Variants in SEMA3D observed in about 807,000 individuals in gnomAD.
SEMA3D encodes semaphorin 3D.
In SEMA3D, 84 loss-of-function variants were observed where a neutral mutation model predicts 100.1. That is an observed-to-expected ratio of 0.84 (90% confidence interval 0.70 to 1.01). The LOEUF (loss-of-function observed/expected upper bound fraction) is 1.01. Among genes scored for constraint, SEMA3D ranks in the 50% least tolerant of loss-of-function variants. The probability of loss-of-function intolerance (pLI) is 0.00; values close to 1 mark genes in which losing one functional copy is unlikely to be tolerated. For missense variants in SEMA3D, 875 were observed against 934.1 expected, an observed-to-expected ratio of 0.94 and a Z score of 0.82; for synonymous variants, 312 against 320.7, an observed-to-expected ratio of 0.97 and a Z score of 0.29.
At chr7:85,237,698 G>T in the SEMA3D span, among the ~76,000 whole-genome samples, 1 of 152,006 alleles carries the variant, frequency 6.6e-6, no homozygotes, top group African/African-American at 2.4e-5. Flanking sequence ...AGGCCTTCTT[G>T]GTTGCATCCA....
intron 1 of SEMA3D, among the ~76,000 whole-genome samples, chr7:85,183,566 C>T (rs1414957926): frequency 6.6e-6 from 1 of 152,180 alleles, no homozygotes; most frequent in Non-Finnish European, 1.5e-5. Flanking sequence ...GTCTTCCCCA[C>T]ACATAAAAGA....
chr7:85,020,327 A>G lies in SEMA3D; in HGVS notation c.1415-6T>C. 6.2e-7 allele frequency: 1 copy of G among 1,601,040 alleles called. No individual in the cohort carries two copies. Among genetic ancestry groups the G allele is most frequent in the Non-Finnish European group, 8.6e-7 (1 of 1,169,588 alleles). ...TTTGAGGACAGTTCCAATGTCTGAA[A>G]AAATGCATAACCCATGATCCCATTG... On this transcript the variant is annotated splice_region_variant and splice_polypyrimidine_tract_variant and intron_variant, in intron 13 of 18. Transcript: ENST00000284136.
intron 1 of SEMA3D, among the ~76,000 whole-genome samples, chr7:85,174,498 T>A (rs1170623235): frequency 1.3e-5 from 2 of 152,158 alleles, no homozygotes; most frequent in Non-Finnish European, 2.9e-5. Flanking sequence ...TCTGAATGGA[T>A]TAATTTCAGT....
chr7:85,147,234 CT>C (rs1053713853), intron 2 of SEMA3D, among the ~76,000 whole-genome samples: 4 of 151,160 alleles, frequency 2.6e-5, no homozygotes, highest in Non-Finnish European at 5.9e-5. Flanking sequence ...TCCTGAGTAG[CT>C]GGCATTACAA....
chr7:85,201,537 TAG>T, the SEMA3D span, among the ~76,000 whole-genome samples: 1 of 152,270 alleles, frequency 6.6e-6, no homozygotes, highest in Admixed American at 6.5e-5. Context: ...ATATGTAAAT[TAG>T]AGATTTTAGT....
chr7:85,025,185 G>T (rs1202946832), intron 12 of SEMA3D, among the ~76,000 whole-genome samples: 2 of 151,908 alleles, frequency 1.3e-5, no homozygotes, highest in African/African-American at 4.8e-5. Context: ...TTCTTAATTT[G>T]CCAGATTAGC....
In SEMA3D at chr7:84,995,930, ATTT is replaced by A. The variant is rs1789486526; in HGVS notation, c.*3507_*3509del. 1 of 151,438 alleles carries A rather than the reference ATTT, an allele frequency of 6.6e-6. No individual in the cohort carries two copies. The highest frequency in any genetic ancestry group is 2.4e-5 in the African/African-American group (1 of 41,302). 9.4% of individuals were successfully genotyped at this position (151,438 alleles called of 1,614,324 possible). A position where few individuals can be genotyped will look rare whatever the true frequency, so the allele number is the denominator to read the frequency against. On this transcript the variant is annotated 3_prime_UTR_variant, in exon 19 of 19. Transcript: ENST00000284136. ...AGATGAATTATTTAAAATTGTGATC[ATTT>A]ACTATGATAAAAATACATCTCCTAT...
chr7:85,197,116 G>T, the SEMA3D span, among the ~76,000 whole-genome samples: 1 of 152,084 alleles, frequency 6.6e-6, no homozygotes, highest in East Asian at 1.9e-4. Context: ...CCAAAAACAT[G>T]TTTCTTTGCC....
At chr7:85,197,006 C>A in the SEMA3D span, among the ~76,000 whole-genome samples, 1 of 145,984 alleles carries the variant, frequency 6.9e-6, no homozygotes, top group South Asian at 2.3e-4. Context: ...AAATTCTCAT[C>A]AGATTTTTTT....
chr7:85,026,926 T>G (rs1253831558), intron 12 of SEMA3D, among the ~76,000 whole-genome samples: 1 of 152,036 alleles, frequency 6.6e-6, no homozygotes, highest in Non-Finnish European at 1.5e-5. Context: ...TTGAGAAGAT[T>G]AAGCAAGGTA....
the SEMA3D span, among the ~76,000 whole-genome samples, chr7:85,241,245 GA>G: frequency 6.6e-6 from 1 of 151,666 alleles, no homozygotes; most frequent in Non-Finnish European, 1.5e-5. Flanking sequence ...AACCACTATG[GA>G]AAACAGTATA....
the SEMA3D span, among the ~76,000 whole-genome samples, chr7:85,210,417 T>C: frequency 6.6e-6 from 1 of 152,066 alleles, no homozygotes; most frequent in Non-Finnish European, 1.5e-5. Context: ...TATTTGACAT[T>C]CCATAGTTAA....
intron 3 of SEMA3D, among the ~76,000 whole-genome samples, chr7:85,098,228 G>T (rs754913583): frequency 1.3e-5 from 2 of 151,608 alleles, no homozygotes; most frequent in South Asian, 2.1e-4. Context: ...TGTAATTACA[G>T]TTTTCAACGT....
intron 2 of SEMA3D, among the ~76,000 whole-genome samples, chr7:85,149,376 C>T (rs889124189): frequency 1.3e-5 from 2 of 152,090 alleles, no homozygotes; most frequent in African/African-American, 2.4e-5. Flanking sequence ...ATTGCTTGAA[C>T]CCAGGAGGTT....
chr7:85,227,751 A>G, the SEMA3D span, among the ~76,000 whole-genome samples: 6 of 152,118 alleles, frequency 3.9e-5, no homozygotes, highest in East Asian at 3.9e-4. Context: ...GATGAATTTC[A>G]TAAGTTAGAA....
intron 2 of SEMA3D, among the ~76,000 whole-genome samples, chr7:85,126,403 TC>T (rs1215107566): frequency 0.24 from 12,466 of 52,516 alleles, 882 homozygotes; most frequent in African/African-American, 0.38. Flanking sequence ...TGTGTGTGTG[TC>T]GTGTGTGTGT....
intron 18 of SEMA3D, among the ~76,000 whole-genome samples, chr7:85,003,592 T>C (rs1388709343): frequency 6.8e-6 from 1 of 146,958 alleles, no homozygotes; most frequent in African/African-American, 2.5e-5. Context: ...ACAAAATAAA[T>C]GTAAAATAAA....
At chr7:85,200,061 T>A in the SEMA3D span, among the ~76,000 whole-genome samples, 3 of 152,226 alleles carry the variant, frequency 2.0e-5, no homozygotes, top group African/African-American at 7.2e-5. Flanking sequence ...TGTGGAACTG[T>A]ATGTCCATTA....
intron 5 of SEMA3D, among the ~76,000 whole-genome samples, chr7:85,075,395 C>A (rs1017451442): frequency 5.3e-5 from 8 of 150,378 alleles, no homozygotes; most frequent in Admixed American, 4.6e-4. Context: ...ACATTTTATA[C>A]ACAATGGGGA....
Sources: allele counts gnomAD v4.1 joint callset (sites outside exome capture counted in the v4.1 genomes callset), GRCh38; gene constraint gnomAD v4.1.1; transcripts MANE v1.5; gene names NCBI Gene and HGNC (gene_info 2026-07-23, HGNC 2026-07-21).